KLF8: variants seen among roughly 807,000 people sequenced by gnomAD.
The protein encoded by KLF8 is Krueppel-like factor 8.
Under a neutral mutation model 18.2 loss-of-function variants are expected in KLF8, and 10 were observed. The observed-to-expected ratio is 0.55, with a 90% CI of 0.34 to 0.93. The LOEUF (loss-of-function observed/expected upper bound fraction) is 0.93, where lower values mean the gene tolerates loss of function less well. Among genes scored for constraint, KLF8 ranks in the 40% least tolerant of loss-of-function variants. The pLI, the probability that KLF8 is intolerant of heterozygous loss-of-function variation, is 0.02. For missense variants in KLF8, 264 were observed against 277.9 expected, an observed-to-expected ratio of 0.95 and a Z score of 0.36; for synonymous variants, 109 against 97.3, an observed-to-expected ratio of 1.12 and a Z score of -0.71.
the KLF8 span, among the ~76,000 whole-genome samples, chrX:56,144,764 A>G: frequency 1.2e-5 from 1 of 84,607 alleles, no homozygotes; most frequent in East Asian, 3.8e-4. Context: ...CACAAAAAAA[A>G]AAAAAAGAAA....
upstream of KLF8, among the ~76,000 whole-genome samples, chrX:56,228,085 C>T (rs748455201): frequency 8.4e-4 from 94 of 112,018 alleles, no homozygotes; most frequent in African/African-American, 2.9e-3. Flanking sequence ...TTAATCATGC[C>T]TCTGAATGTC....
chrX:56,233,016 A>G lies in KLF8; in HGVS notation c.-319A>G. On this transcript the variant is annotated 5_prime_UTR_variant, in exon 1 of 6. Transcript: ENST00000468660. ...TGTCCAAGGAAAAGCTGCAGGGGGG[A>G]GGATTCTTTTTAGGAAGTCTACTCT... The G allele has an allele frequency of 3.1e-6, 1 of 322,160 alleles. No individual in the cohort carries two copies. The highest frequency in any genetic ancestry group is 5.5e-6 in the Non-Finnish European group (1 of 180,981). 26.5% of individuals were successfully genotyped at this position (322,160 alleles called of 1,213,427 possible).
the KLF8 span, among the ~76,000 whole-genome samples, chrX:55,966,499 T>G: frequency 8.9e-6 from 1 of 112,035 alleles, no homozygotes; most frequent in African/African-American, 3.2e-5. Context: ...ACAACTTATC[T>G]AGGATCAGAA....
the KLF8 span, among the ~76,000 whole-genome samples, chrX:55,935,988 C>A: frequency 8.9e-6 from 1 of 111,994 alleles, no homozygotes; most frequent in African/African-American, 3.2e-5. Context: ...AAAGCTTAAG[C>A]AAATATAGCA....
At chrX:56,127,511 AT>A in the KLF8 span, among the ~76,000 whole-genome samples, 1 of 110,506 alleles carries the variant, frequency 9.0e-6, no homozygotes, top group Admixed American at 9.7e-5. Flanking sequence ...AATAAAAAAA[AT>A]AATAATAACC....
At chrX:56,279,509 T>A (rs1452998546) in intron 5 of KLF8, among the ~76,000 whole-genome samples, 2 of 111,841 alleles carry the variant, frequency 1.8e-5, no homozygotes, top group Non-Finnish European at 3.8e-5. Flanking sequence ...AGTACAAAAC[T>A]AGTGAGATGG....
chrX:56,188,844 C>T, the KLF8 span, among the ~76,000 whole-genome samples: 1 of 112,026 alleles, frequency 8.9e-6, no homozygotes, highest in Non-Finnish European at 1.9e-5. Context: ...TGGATCCCTT[C>T]CTTACACTTC....
At chrX:56,077,991 C>T in the KLF8 span, among the ~76,000 whole-genome samples, 11 of 111,876 alleles carry the variant, frequency 9.8e-5, no homozygotes, top group Non-Finnish European at 2.1e-4. Flanking sequence ...ACATTGCTTT[C>T]GTATCCTGAG....
chrX:56,241,010 C>T (rs2147576156), intron 1 of KLF8, among the ~76,000 whole-genome samples: 1 of 111,684 alleles, frequency 9.0e-6, no homozygotes, highest in African/African-American at 3.2e-5. Flanking sequence ...AAAAGAAATG[C>T]CATGAAATGA....
the KLF8 span, among the ~76,000 whole-genome samples, chrX:56,118,825 G>T: frequency 2.7e-5 from 3 of 111,729 alleles, no homozygotes; most frequent in Non-Finnish European, 5.6e-5. Context: ...CAGCTCTGCT[G>T]GTCTGAAGTT....
chrX:55,976,327 G>T, the KLF8 span, among the ~76,000 whole-genome samples: 1 of 110,861 alleles, frequency 9.0e-6, no homozygotes, highest in South Asian at 3.8e-4. Context: ...TATTCATAGT[G>T]CATAACTGAA....
At chrX:56,226,999 T>G in the KLF8 span, among the ~76,000 whole-genome samples, 2 of 112,517 alleles carry the variant, frequency 1.8e-5, no homozygotes, top group Non-Finnish European at 1.9e-5. Flanking sequence ...ATAGGTGTAT[T>G]GGCAGAAAGG....
chrX:56,099,467 G>A, the KLF8 span, among the ~76,000 whole-genome samples: 1 of 111,805 alleles, frequency 8.9e-6, no homozygotes, highest in Non-Finnish European at 1.9e-5. Flanking sequence ...GTGAAAGGAA[G>A]AGTCAAATAT....
At chrX:56,162,541 G>T in the KLF8 span, among the ~76,000 whole-genome samples, 7 of 111,435 alleles carry the variant, frequency 6.3e-5, no homozygotes, top group Non-Finnish European at 1.3e-4. Flanking sequence ...AATGAGCGAG[G>T]CTCTGTGGGC....
At chrX:56,037,319 A>G in the KLF8 span, among the ~76,000 whole-genome samples, 2 of 110,712 alleles carry the variant, frequency 1.8e-5, no homozygotes, top group Non-Finnish European at 3.8e-5. Flanking sequence ...CCATTTACTA[A>G]TATTTTGTTC....
chrX:56,149,987 T>C, the KLF8 span, among the ~76,000 whole-genome samples: 55 of 112,187 alleles, frequency 4.9e-4, no homozygotes, highest in Non-Finnish European at 9.0e-4. Flanking sequence ...TCAAAAGATG[T>C]ATTGTTAAGC....
the KLF8 span, among the ~76,000 whole-genome samples, chrX:56,111,236 G>A: frequency 8.9e-6 from 1 of 112,096 alleles, no homozygotes; most frequent in Non-Finnish European, 1.9e-5. Context: ...CATTATTGCA[G>A]ATCACTTCTT....
At chrX:56,182,144 G>A in the KLF8 span, among the ~76,000 whole-genome samples, 1 of 111,459 alleles carries the variant, frequency 9.0e-6, no homozygotes, top group South Asian at 3.8e-4. Flanking sequence ...ATATTTGTTG[G>A]AGGCTTTGTT....
At chrX:56,065,357 C>T in the KLF8 span, among the ~76,000 whole-genome samples, 1 of 111,205 alleles carries the variant, frequency 9.0e-6, no homozygotes, top group African/African-American at 3.3e-5. Context: ...TTTGATTTAG[C>T]CTAGTTTTGA....
Sources: gnomAD v4.1 joint callset for allele counts (sites outside exome capture counted in the v4.1 genomes callset) on GRCh38, gnomAD v4.1.1 for gene constraint, MANE v1.5 for transcripts, NCBI Gene and HGNC (gene_info 2026-07-23, HGNC 2026-07-21) for gene names.